PTPRE: variants seen among roughly 807,000 people sequenced by gnomAD.
PTPRE encodes receptor-type tyrosine-protein phosphatase epsilon.
Under a neutral mutation model 102.0 loss-of-function variants are expected in PTPRE, and 51 were observed. The ratio of observed to expected loss-of-function variants is 0.50; its 90% CI spans 0.40 to 0.63. PTPRE has a LOEUF of 0.63. Among genes scored for constraint, PTPRE ranks in the 30% least tolerant of loss-of-function variants. The pLI, the probability that PTPRE is intolerant of heterozygous loss-of-function variation, is 0.00. For missense variants in PTPRE, 752 were observed against 915.1 expected (o/e 0.82, Z 2.30); for synonymous variants, 345 against 348.2 (o/e 0.99, Z 0.10).
chr10:128,046,234 C>G (rs921816321), intron 3 of PTPRE, among the ~76,000 whole-genome samples: 1 of 152,156 alleles, frequency 6.6e-6, no homozygotes, highest in African/African-American at 2.4e-5. Context: ...GCATGAGGGT[C>G]CCTTTTAGAA....
intron 1 of PTPRE, among the ~76,000 whole-genome samples, chr10:127,977,706 C>T (rs926737616): frequency 2.6e-5 from 4 of 152,188 alleles, no homozygotes; most frequent in Admixed American, 6.5e-5. Context: ...AACGTCGCTC[C>T]GTCTTTCCAT....
In PTPRE at chr10:128,047,285, A is replaced by G. The variant is rs1374369366; in HGVS notation, c.110-105A>G. On this transcript the variant is annotated intron_variant, in intron 3 of 20. Transcript: ENST00000254667. ...GGATGATGGATCCACTTTACAAAAT[A>G]TAGTTTGGGGTTCTGGTGTCCAGGA... 5.6e-6 allele frequency: 8 copies of G among 1,440,030 alleles called. No homozygotes were observed. In the East Asian group the frequency reaches 1.7e-4, roughly 31 times the overall value. The allele number at this position is 1,440,030 out of a possible 1,614,324, so 89.2% of individuals were successfully genotyped here.
At position 128,070,474 on chromosome 10, in the gene PTPRE, C is replaced by G. The variant is rs1850671680; in HGVS notation, c.1293+24C>G. On this transcript the variant is annotated intron_variant, in intron 14 of 20. Coordinates refer to ENST00000254667, the MANE Select transcript of PTPRE (RefSeq NM_006504.6). This position sits in a 1 kb window ranked among gnomAD's most constrained non-coding sequence, Gnocchi z 4.8. ...GGGTGAGTACAGCTGACCCTCCTCT[C>G]CATCCTGGTGTAAGCAGCCAAGGGC... is the stretch of plus-strand genomic sequence containing the variant. 1 of 1,607,340 alleles carries G rather than the reference C, an allele frequency of 6.2e-7. No individual in the cohort carries two copies. Among genetic ancestry groups the G allele is most frequent in the Admixed American group, 1.7e-5 (1 of 59,056 alleles).
At chr10:128,075,498 G>A (rs1452106086) in intron 17 of PTPRE, among the ~76,000 whole-genome samples, 1 of 150,762 alleles carries the variant, frequency 6.6e-6, no homozygotes, top group Non-Finnish European at 1.5e-5. Flanking sequence ...GTGTCCTTGT[G>A]TTCTCCCTAC....
chr10:128,023,831 G>A (rs1461695164), intron 2 of PTPRE, among the ~76,000 whole-genome samples: 18 of 152,196 alleles, frequency 1.2e-4, no homozygotes, highest in East Asian at 1.9e-4. Context: ...TTCAGGGCAC[G>A]CTTTCGTGAT....
At chr10:127,955,320 A>ACATG (rs1849324536) in intron 1 of PTPRE, among the ~76,000 whole-genome samples, 1 of 152,068 alleles carries the variant, frequency 6.6e-6, no homozygotes, top group South Asian at 2.1e-4. Flanking sequence ...ATACATACAT[A>ACATG]CATATATACA....
intron 1 of PTPRE, among the ~76,000 whole-genome samples, chr10:127,927,176 C>G (rs1564802691): frequency 6.6e-6 from 1 of 151,886 alleles, no homozygotes; most frequent in Non-Finnish European, 1.5e-5. Context: ...GGCAGGTACA[C>G]TGGATGCCCC....
chr10:128,020,095 ACACAG>A (rs1742758233), intron 2 of PTPRE, among the ~76,000 whole-genome samples: 1 of 152,002 alleles, frequency 6.6e-6, no homozygotes, highest in Non-Finnish European at 1.5e-5. Flanking sequence ...TGCACGCTGG[ACACAG>A]GGCTGTGGCG....
chr10:127,992,846 G>T (rs533652252), intron 2 of PTPRE, among the ~76,000 whole-genome samples: 1 of 152,204 alleles, frequency 6.6e-6, no homozygotes, highest in Admixed American at 6.5e-5. Flanking sequence ...AGCCAGGTGC[G>T]TGCCCAGGCA....
intron 1 of PTPRE, among the ~76,000 whole-genome samples, chr10:127,920,695 C>A (rs1428548922): frequency 6.6e-6 from 1 of 152,130 alleles, no homozygotes; most frequent in Admixed American, 6.5e-5. Flanking sequence ...GGTTGGGTTC[C>A]GTATCAGTCA....
At chr10:127,963,537 A>C (rs114854049) in intron 1 of PTPRE, among the ~76,000 whole-genome samples, 2 of 152,336 alleles carry the variant, frequency 1.3e-5, no homozygotes, top group South Asian at 4.1e-4. Flanking sequence ...GATAAATAAC[A>C]TAGGCGTCTT....
chr10:128,070,418 T>A lies in PTPRE; in HGVS notation c.1261T>A (p.Phe421Ile), dbSNP rs775751878. The A allele has an allele frequency of 3.7e-6, 6 of 1,614,076 alleles. No homozygotes were observed. In the South Asian group the frequency reaches 6.6e-5, roughly 18 times the overall value. ...LQTMHGTTTH[F>I]DKIGLEEEFR... ...GACCATGCACGGCACCACCACCCAC[T>A]TCGACAAGATCGGGCTGGAGGAGGA... The change falls in exon 14 of 21, where the codon TTC becomes ATC. Residue 421 changes from phenylalanine to isoleucine, a missense_variant. Physicochemically the swap from Phe to Ile is conservative, Grantham distance 21. Around this residue, in one of 2 missense-constraint regions of PTPRE, gnomAD observed 636 missense variants for 824.4 expected, o/e 0.77. Coordinates refer to ENST00000254667, the MANE Select transcript of PTPRE (RefSeq NM_006504.6). This position sits in a 1 kb window ranked among gnomAD's most constrained non-coding sequence, Gnocchi z 4.8.
At chr10:127,960,963 A>G (rs1034339566) in intron 1 of PTPRE, among the ~76,000 whole-genome samples, 4 of 151,386 alleles carry the variant, frequency 2.6e-5, no homozygotes, top group Non-Finnish European at 5.9e-5. Context: ...AGAGCTTGCA[A>G]TGAGCTGAGA....
chr10:127,979,066 C>G (rs1248856047), intron 1 of PTPRE, among the ~76,000 whole-genome samples: 1 of 152,134 alleles, frequency 6.6e-6, no homozygotes, highest in East Asian at 1.9e-4. Context: ...TAAAGTGGGT[C>G]TTGCCTTACC....
intron 9 of PTPRE, among the ~76,000 whole-genome samples, chr10:128,061,918 A>G (rs1849628916): frequency 6.6e-6 from 1 of 152,232 alleles, no homozygotes; most frequent in African/African-American, 2.4e-5. Context: ...ATATGGTGTG[A>G]ACACAGGGCA....
chr10:128,061,154 C>T, intron 8 of PTPRE, 139 bp downstream of exon 8: 1 of 716,734 alleles, frequency 1.4e-6, no homozygotes, highest in Non-Finnish European at 2.3e-6. Context: ...TACGGAACTG[C>T]CCGTGCTTTA....
chr10:127,956,087 C>A (rs1427084226), intron 1 of PTPRE, among the ~76,000 whole-genome samples: 1 of 152,170 alleles, frequency 6.6e-6, no homozygotes. Context: ...TAGCTGCATC[C>A]TGTCAGGTGA....
chr10:128,018,742 G>T (rs1845631348), intron 2 of PTPRE, among the ~76,000 whole-genome samples: 1 of 152,146 alleles, frequency 6.6e-6, no homozygotes, highest in South Asian at 2.1e-4. Flanking sequence ...CTCAAGAGTT[G>T]AAAACCAAGA....
In PTPRE at chr10:128,068,243, A is replaced by G; in HGVS notation, c.964A>G (p.Thr322Ala). The change falls in exon 12 of 21, where the codon ACG (threonine) becomes GCG (alanine). Residue 322 changes from threonine to alanine, a missense_variant. Thr to Ala is a moderately conservative substitution (Grantham distance 58). Around this residue, in one of 2 missense-constraint regions of PTPRE, gnomAD observed 636 missense variants for 824.4 expected, o/e 0.77. Coordinates refer to ENST00000254667, the MANE Select transcript of PTPRE (RefSeq NM_006504.6). Reference protein sequence around the residue: ...GMLKFLKKVKTLNPVHAGPIV... With the variant: ...GMLKFLKKVKALNPVHAGPIV... ...GCTGAAGTTCCTCAAGAAAGTAAAG[A>G]CGCTCAACCCCGTGCACGCTGGGCC... 2 of 1,614,130 alleles carry G rather than the reference A, an allele frequency of 1.2e-6. No individual in the cohort carries two copies. The highest frequency in any genetic ancestry group is 1.7e-6 in the Non-Finnish European group (2 of 1,179,988).
Sources: gnomAD v4.1 joint callset for allele counts (sites outside exome capture counted in the v4.1 genomes callset) on GRCh38, gnomAD v4.1.1 for gene constraint, gnomAD v4.1.1 regional missense constraint, Gnocchi (gnomAD v3.1) non-coding constraint, MANE v1.5 for transcripts, NCBI Gene and HGNC (gene_info 2026-07-23, HGNC 2026-07-21) for gene names.